PCLO: variants seen among roughly 807,000 people sequenced by gnomAD.
PCLO encodes protein piccolo.
In PCLO, 82 loss-of-function variants were observed where a neutral mutation model predicts 427.5. The ratio of observed to expected loss-of-function variants is 0.19; its 90% CI spans 0.16 to 0.23. PCLO has a LOEUF of 0.23. Ranked by LOEUF, PCLO falls within the 10% of genes least tolerant of loss-of-function variation. The pLI is 1.00. For synonymous variants in PCLO, 2,357 were observed against 2,155.4 expected, an observed-to-expected ratio of 1.09 and a Z score of -2.59; for missense variants, 6,239 against 6,115.9, an observed-to-expected ratio of 1.02 and a Z score of -0.67.
At chr7:83,076,859 C>G (rs1789967398) in intron 3 of PCLO, among the ~76,000 whole-genome samples, 2 of 151,828 alleles carry the variant, frequency 1.3e-5, no homozygotes, top group African/African-American at 4.8e-5. Context: ...TCTTAAACCT[C>G]TATTTATTCT....
At chr7:82,908,782 A>G in intron 8 of PCLO, 95 bp downstream of exon 8, 1 of 1,062,132 alleles carries the variant, frequency 9.4e-7, no homozygotes. Flanking sequence ...TAATAAACAA[A>G]CATCTCATTC....
Position 82,915,876 on chromosome 7 carries a change from T to G in PCLO, c.12110A>C (p.Asp4037Ala). 4 of 1,613,648 alleles carry G rather than the reference T, an allele frequency of 2.5e-6. 1 individual carries two copies. ...SSISADSFYA[D>A]IDHHTPRNYV... ...ATTTCGTGGAGTATGGTGATCAATA[T>G]CTGCATAGAAAGAATCTGCAGATAT... The change falls in exon 7 of 25, where the codon GAT (aspartate) becomes GCT (alanine). Residue 4037 changes from aspartate (D) to alanine (A), a missense_variant. Around this residue, in one of 5 missense-constraint regions of PCLO, gnomAD observed 680 missense variants for 677.3 expected, o/e 1.00. Transcript: ENST00000333891.
intron 3 of PCLO, among the ~76,000 whole-genome samples, chr7:82,969,955 T>C (rs1417207044): frequency 2.0e-5 from 3 of 152,118 alleles, no homozygotes; most frequent in African/African-American, 7.2e-5. Flanking sequence ...GTCTTGTCAC[T>C]ATTTGACATA....
chr7:82,799,792 G>C (rs895698045), intron 22 of PCLO, among the ~76,000 whole-genome samples: 1 of 152,126 alleles, frequency 6.6e-6, no homozygotes, highest in East Asian at 1.9e-4. Context: ...CAGAAAGCAG[G>C]CTTGTCCTGG....
chr7:82,915,628 C>A lies in PCLO; in HGVS notation c.12358G>T (p.Glu4120Ter). 6.2e-7 allele frequency: 1 copy of A among 1,613,416 alleles called. No homozygotes were observed. The highest frequency in any genetic ancestry group is 8.5e-7 in the Non-Finnish European group (1 of 1,179,662). Residue 4120 changes from glutamate (E) to a stop codon, truncating the protein, a stop_gained, in exon 7 of 25, where the codon GAG (glutamate) becomes TAG (stop). Coordinates refer to ENST00000333891, the MANE Select transcript of PCLO (RefSeq NM_033026.6). LOFTEE classifies it high-confidence loss of function. ...ATCTGATGTTTCAGAAGCTTTAACT[C>A]GTAAGGATCCTCCATTGGGTCTTCC... ...AEEDPMEDPY[E>*]LKLLKHQIKQ...
At chr7:82,992,768 A>G (rs938014302) in intron 3 of PCLO, among the ~76,000 whole-genome samples, 12 of 152,072 alleles carry the variant, frequency 7.9e-5, no homozygotes, top group Admixed American at 1.3e-4. Flanking sequence ...AGAAAAAAAA[A>G]TGATGCCTTA....
chr7:82,853,737 A>T (rs1388122941), intron 10 of PCLO, among the ~76,000 whole-genome samples: 6 of 152,094 alleles, frequency 3.9e-5, no homozygotes, highest in Non-Finnish European at 7.4e-5. Flanking sequence ...TTTCACCCTA[A>T]TTGAATTGTG....
chr7:83,090,064 G>A (rs1790339206), intron 3 of PCLO, among the ~76,000 whole-genome samples: 1 of 152,120 alleles, frequency 6.6e-6, no homozygotes, highest in Admixed American at 6.6e-5. Flanking sequence ...CAGCACTTTG[G>A]GAGGCCGAGG....
chr7:82,951,618 T>C, intron 5 of PCLO, 128 bp from the exon 6 acceptor site: 1 of 840,700 alleles, frequency 1.2e-6, no homozygotes, highest in Non-Finnish European at 1.8e-6. Flanking sequence ...AACCTAATTA[T>C]ATGCGGAATG....
At chr7:82,802,353 A>G (rs1283005239) in intron 21 of PCLO, among the ~76,000 whole-genome samples, 4 of 152,190 alleles carry the variant, frequency 2.6e-5, no homozygotes, top group Non-Finnish European at 5.9e-5. Flanking sequence ...ACAGGTAGGC[A>G]TGCTCGTAGT....
At chr7:83,096,857 A>AT (rs1198706394) in intron 3 of PCLO, among the ~76,000 whole-genome samples, 2 of 90,606 alleles carry the variant, frequency 2.2e-5, no homozygotes, top group African/African-American at 1.0e-4. Context: ...AAATATATAT[A>AT]AAAATATATT....
intron 3 of PCLO, among the ~76,000 whole-genome samples, chr7:83,070,556 T>G (rs13228507): frequency 0.15 from 22,473 of 152,042 alleles, 1,907 homozygotes; most frequent in African/African-American, 0.22. Context: ...CCGGCTAATT[T>G]TTTTGTATTT....
rs1008071641 is a variant in PCLO at position 83,136,600 on chromosome 7, T to G, written c.1894-944A>C. ...GGATATTCTCTGTTAACAAAGTAAA[T>G]AAAAAATAATAGCACTCCCTCAAAT... On this transcript the variant is annotated intron_variant, in intron 2 of 24. Coordinates refer to ENST00000333891, the MANE Select transcript of PCLO (RefSeq NM_033026.6). Among the ~76,000 whole-genome samples, 53 of 152,066 alleles carry G rather than the reference T, an allele frequency of 3.5e-4. 2 individuals carry two copies. Among genetic ancestry groups the G allele is most frequent in the Non-Finnish European group, 2.9e-5 (2 of 67,980 alleles).
chr7:83,158,160 C>T (rs73180571), intron 1 of PCLO, among the ~76,000 whole-genome samples: 27,625 of 151,928 alleles, frequency 0.18, 2,776 homozygotes, highest in Middle Eastern at 0.25. Flanking sequence ...TTGAAATTTC[C>T]TCCAAGGAAA....
At chr7:82,838,738 G>A (rs1792291936) in intron 14 of PCLO, among the ~76,000 whole-genome samples, 1 of 151,842 alleles carries the variant, frequency 6.6e-6, no homozygotes, top group Non-Finnish European at 1.5e-5. Flanking sequence ...TTATTATAAA[G>A]TATTATTTGC....
intron 9 of PCLO, among the ~76,000 whole-genome samples, chr7:82,882,751 T>C (rs2116063995): frequency 6.6e-6 from 1 of 152,254 alleles, no homozygotes; most frequent in African/African-American, 2.4e-5. Context: ...TCTATGTACA[T>C]TATAAGTATT....
At chr7:82,825,867 A>G (rs938973215) in intron 18 of PCLO, among the ~76,000 whole-genome samples, 66 of 148,308 alleles carry the variant, frequency 4.5e-4, no homozygotes, top group Non-Finnish European at 7.1e-4. Context: ...TATATACACA[A>G]TGTGTACATA....
intron 3 of PCLO, among the ~76,000 whole-genome samples, chr7:82,980,719 T>G (rs1042138180): frequency 1.3e-5 from 2 of 152,110 alleles, no homozygotes; most frequent in African/African-American, 4.8e-5. Flanking sequence ...CAAGCTTGTA[T>G]AGATGACTAT....
chr7:82,817,247 A>G (rs1791695350), intron 20 of PCLO, among the ~76,000 whole-genome samples: 1 of 152,240 alleles, frequency 6.6e-6, no homozygotes, highest in African/African-American at 2.4e-5. Flanking sequence ...CAAGGTTTAA[A>G]AAATTTTTTT....
Sources: allele counts gnomAD v4.1 joint callset (sites outside exome capture counted in the v4.1 genomes callset), GRCh38; gene constraint gnomAD v4.1.1; regional missense constraint gnomAD v4.1.1; transcripts MANE v1.5; gene names NCBI Gene and HGNC (gene_info 2026-07-23, HGNC 2026-07-21).